The following ADGB variants were observed in gnomAD, a reference collection of about 807,000 sequenced individuals.
The protein encoded by ADGB is androglobin.
A neutral mutation model predicts 210.5 loss-of-function variants in ADGB; 172 were observed. The observed-to-expected ratio is 0.82, with a 90% CI of 0.72 to 0.93. The LOEUF (loss-of-function observed/expected upper bound fraction) is 0.93, where lower values mean the gene tolerates loss of function less well. Ranked by LOEUF, ADGB falls within the 40% of genes least tolerant of loss-of-function variation. ADGB has a pLI of 0.00. For synonymous variants in ADGB, 658 were observed against 662.7 expected (o/e 0.99, Z 0.11); for missense variants, 2,025 against 1,964.8 (o/e 1.03, Z -0.58).
At chr6:146,601,443 C>T (rs573814949) in intron 1 of ADGB, among the ~76,000 whole-genome samples, 18 of 152,278 alleles carry the variant, frequency 1.2e-4, no homozygotes, top group African/African-American at 4.1e-4. Flanking sequence ...CATTATAAAT[C>T]AAGTCTATCC....
intron 13 of ADGB, among the ~76,000 whole-genome samples, chr6:146,705,625 T>C (rs1271882107): frequency 6.6e-6 from 1 of 152,180 alleles, no homozygotes; most frequent in Admixed American, 6.5e-5. Flanking sequence ...CTGGGAAAAC[T>C]CCCACTTAAT....
rs1007913597 is a variant in ADGB, at chr6:146,746,044, C to G, written c.3300C>G (p.Cys1100Trp). 5 of 1,551,014 alleles carry G rather than the reference C, an allele frequency of 3.2e-6. No homozygotes were observed. The African/African-American group carries it at 5.5e-5, about 17-fold the overall frequency. ...CATGCCTCTCTCGAGACTCTCCATG[C>G]AATTCCTTTGCCATAAAGGAAATCC... ...PLPCLSRDSP[C>W]NSFAIKEIRD... is the part of the protein sequence containing the mutation. The change falls in exon 26 of 36, where the codon TGC (cysteine) becomes TGG (tryptophan). Residue 1100 changes from cysteine (C) to tryptophan (W), a missense_variant. Cys to Trp is a radical substitution (Grantham distance 215). Coordinates refer to ENST00000397944, the MANE Select transcript of ADGB (RefSeq NM_024694.4).
chr6:146,766,430 AAAATT>A (rs71552958), intron 28 of ADGB, among the ~76,000 whole-genome samples: 2,877 of 139,424 alleles, frequency 0.021, 45 homozygotes, highest in African/African-American at 0.054. Flanking sequence ...CTGTCTCAGT[AAAATT>A]AAATTAAATT....
At chr6:146,663,140 T>A (rs957836271) in intron 5 of ADGB, among the ~76,000 whole-genome samples, 5 of 142,196 alleles carry the variant, frequency 3.5e-5, no homozygotes, top group East Asian at 3.9e-4. Flanking sequence ...ATTATATATA[T>A]AATTATAAAT....
chr6:146,602,641 GGAA>G (rs1371132803), intron 1 of ADGB, among the ~76,000 whole-genome samples: 1 of 152,162 alleles, frequency 6.6e-6, no homozygotes, highest in East Asian at 1.9e-4. Context: ...TCAGGTTCGG[GGAA>G]GGCTGTCTAC....
At chr6:146,636,739 T>A (rs1218568103) in intron 2 of ADGB, among the ~76,000 whole-genome samples, 4 of 151,808 alleles carry the variant, frequency 2.6e-5, no homozygotes, top group Non-Finnish European at 5.9e-5. Context: ...TTCACTGGAG[T>A]GAGTGGTGGA....
At chr6:146,714,314 T>A (rs1319408687) in intron 13 of ADGB, among the ~76,000 whole-genome samples, 1 of 130,870 alleles carries the variant, frequency 7.6e-6, no homozygotes, top group African/African-American at 3.9e-5. Flanking sequence ...ATGTGCATCT[T>A]GTTTTTTTTT....
Position 146,653,932 on chromosome 6 carries a change from C to T in ADGB, c.331-203C>T, listed in dbSNP as rs148612715. On this transcript the variant is annotated intron_variant, in intron 3 of 35. Transcript: ENST00000397944. ...AGGGTGGCCTATTTCCAGCACCAAC[C>T]AATTTATGCCTAGTGTTCCATTATT... Among the ~76,000 whole-genome samples, 463 of 152,098 alleles carry T rather than the reference C, an allele frequency of 3.0e-3. 4 individuals are homozygous for T. The highest frequency in any genetic ancestry group is 0.011 in the African/African-American group (446 of 41,490).
intron 27 of ADGB, among the ~76,000 whole-genome samples, chr6:146,759,341 T>G (rs1777453981): frequency 6.6e-6 from 1 of 151,842 alleles, no homozygotes; most frequent in South Asian, 2.1e-4. Context: ...TTATAATTTT[T>G]AAAGAATAAA....
chr6:146,775,979 A>G (rs1777715443), intron 29 of ADGB, among the ~76,000 whole-genome samples: 2 of 152,122 alleles, frequency 1.3e-5, no homozygotes, highest in Non-Finnish European at 2.9e-5. Context: ...CTAAGCACTG[A>G]ATTTTAATCA....
chr6:146,736,416 T>C, intron 22 of ADGB, 82 bp from the exon 23 acceptor site: 2 of 891,250 alleles, frequency 2.2e-6, no homozygotes, highest in Non-Finnish European at 3.3e-6. Flanking sequence ...TCAACTTCAT[T>C]TGTGAAAATG....
At chr6:146,645,073 A>T (rs969588793) in intron 3 of ADGB, among the ~76,000 whole-genome samples, 5 of 151,990 alleles carry the variant, frequency 3.3e-5, no homozygotes, top group Admixed American at 6.6e-5. Context: ...AGATTATTGA[A>T]TTTTTGTTTA....
In ADGB at chr6:146,802,807, T is replaced by G. The variant is rs1778153462; in HGVS notation, c.4818+796T>G. The stretch of plus-strand genomic sequence containing the variant: ...TAGATGAAATCTCTCAATGTAACTG[T>G]AATAAATAAGCATCTACATCCTTAG... On this transcript the variant is annotated intron_variant, in intron 35 of 35. Transcript: ENST00000397944. 1.2e-5 allele frequency: 20 copies of G among 1,607,748 alleles called. No individual in the cohort carries two copies. The Middle Eastern group carries it at 6.7e-4, about 54-fold the overall frequency.
At chr6:146,623,475 T>C (rs1243050236) in intron 1 of ADGB, among the ~76,000 whole-genome samples, 4 of 151,920 alleles carry the variant, frequency 2.6e-5, no homozygotes, top group African/African-American at 9.7e-5. Context: ...AATATTATTA[T>C]TGATTTTTAA....
At chr6:146,753,761 C>T (rs1234414318) in intron 27 of ADGB, among the ~76,000 whole-genome samples, 1 of 151,672 alleles carries the variant, frequency 6.6e-6, no homozygotes, top group African/African-American at 2.4e-5. Context: ...CCTATTTGGC[C>T]ATGATGTTTT....
chr6:146,643,309 A>G (rs547139822), intron 2 of ADGB, among the ~76,000 whole-genome samples: 1 of 151,918 alleles, frequency 6.6e-6, no homozygotes, highest in South Asian at 2.1e-4. Flanking sequence ...CCTGTTTCTC[A>G]GGCCACACCG....
chr6:146,616,882 G>A (rs964970053), intron 1 of ADGB, among the ~76,000 whole-genome samples: 8 of 152,022 alleles, frequency 5.3e-5, no homozygotes, highest in Non-Finnish European at 1.0e-4. Flanking sequence ...GTAGTGTGAT[G>A]CCTCGAGCTT....
intron 1 of ADGB, among the ~76,000 whole-genome samples, chr6:146,633,546 A>G (rs566102300): frequency 6.6e-6 from 1 of 152,136 alleles, no homozygotes; most frequent in South Asian, 2.1e-4. Context: ...TGACCTCTGT[A>G]TTATTCTTAA....
chr6:146,606,584 G>A (rs1780631672), intron 1 of ADGB, among the ~76,000 whole-genome samples: 1 of 152,134 alleles, frequency 6.6e-6, no homozygotes, highest in South Asian at 2.1e-4. Flanking sequence ...CGTATATAGT[G>A]AAAGGAAGGG....
Sources: allele counts gnomAD v4.1 joint callset (sites outside exome capture counted in the v4.1 genomes callset), GRCh38; gene constraint gnomAD v4.1.1; transcripts MANE v1.5; gene names NCBI Gene and HGNC (gene_info 2026-07-23, HGNC 2026-07-21).